Variants in TMEM132B observed in about 807,000 individuals in gnomAD.
TMEM132B encodes the protein transmembrane protein 132B.
TMEM132B carries 18 observed loss-of-function variants against 90.8 expected under a neutral mutation model. The observed-to-expected ratio is 0.20, with a 90% CI of 0.14 to 0.29. The LOEUF (loss-of-function observed/expected upper bound fraction) is 0.29, where lower values mean the gene tolerates loss of function less well. TMEM132B is among the 10% of genes least tolerant of loss of function. The probability of loss-of-function intolerance (pLI) is 1.00; values close to 1 mark genes in which losing one functional copy is unlikely to be tolerated. For missense variants in TMEM132B, 1,096 were observed against 1,326.8 expected (o/e 0.83, Z 2.70); for synonymous variants, 504 against 523.3 (o/e 0.96, Z 0.50).
At chr12:125,249,010 C>T (rs1337912607) in intron 1 of TMEM132B, among the ~76,000 whole-genome samples, 1 of 152,088 alleles carries the variant, frequency 6.6e-6, no homozygotes, top group Non-Finnish European at 1.5e-5. Context: ...GCCACTGAGC[C>T]CCTTATGAGC....
intron 5 of TMEM132B, among the ~76,000 whole-genome samples, chr12:125,638,376 T>C (rs755022958): frequency 5.3e-5 from 8 of 152,222 alleles, no homozygotes; most frequent in Admixed American, 1.3e-4. Context: ...CCTTTTGGCA[T>C]TTATTATTAG....
chr12:125,516,770 A>C (rs1317084212), intron 3 of TMEM132B, among the ~76,000 whole-genome samples: 1 of 152,216 alleles, frequency 6.6e-6, no homozygotes, highest in Non-Finnish European at 1.5e-5. Flanking sequence ...TCTGAGGTCT[A>C]CGGAATGCTG....
chr12:125,644,541 A>G (rs1386759850), intron 6 of TMEM132B, among the ~76,000 whole-genome samples: 2 of 152,216 alleles, frequency 1.3e-5, no homozygotes, highest in African/African-American at 4.8e-5. Context: ...AACGAATGCA[A>G]TACATAACAA....
chr12:125,565,115 C>A (rs978800421), intron 4 of TMEM132B, among the ~76,000 whole-genome samples: 1 of 152,316 alleles, frequency 6.6e-6, no homozygotes, highest in Middle Eastern at 3.4e-3. Flanking sequence ...GTTGTGATCA[C>A]CCTCTACAGA....
chr12:125,410,037 TG>T (rs1367499609), intron 2 of TMEM132B, among the ~76,000 whole-genome samples: 1 of 5,252 alleles, frequency 1.9e-4, no homozygotes, highest in Non-Finnish European at 3.7e-4. Context: ...AGGAGTGGAG[TG>T]GAGTGGAGTG....
intron 5 of TMEM132B, among the ~76,000 whole-genome samples, chr12:125,623,169 T>A (rs7304888): frequency 0.045 from 6,920 of 152,272 alleles, 179 homozygotes; most frequent in African/African-American, 0.066. Flanking sequence ...AGGCACCATT[T>A]GATGAATTGT....
chr12:125,508,002 T>A (rs941203), intron 3 of TMEM132B, among the ~76,000 whole-genome samples: 150,147 of 152,260 alleles, frequency 0.99, 74,061 homozygotes, highest in East Asian at 1. Context: ...TATTTAAAAA[T>A]TACATATTTT....
At chr12:125,462,183 G>C (rs1216267492) in intron 3 of TMEM132B, among the ~76,000 whole-genome samples, 2 of 152,166 alleles carry the variant, frequency 1.3e-5, no homozygotes, top group Non-Finnish European at 2.9e-5. Flanking sequence ...ATAGATCGCA[G>C]GTTGACTAAA....
In TMEM132B at chr12:125,617,741, A is replaced by G. The variant is rs538623808; in HGVS notation, c.1438-26335A>G. On this transcript the variant is annotated intron_variant, in intron 5 of 8. Transcript: ENST00000682704. ...CCACTACTTTCCAGCTTATCCCTCT[A>G]TTGTTTCTAATAATGCCCCGGGGCA... Among the ~76,000 whole-genome samples, 68 of 151,894 alleles carry G rather than the reference A, an allele frequency of 4.5e-4. No homozygotes were observed. The South Asian group carries it at 7.1e-3, about 16-fold the overall frequency.
At chr12:125,265,815 G>A (rs1429695027) in intron 1 of TMEM132B, among the ~76,000 whole-genome samples, 1 of 152,174 alleles carries the variant, frequency 6.6e-6, no homozygotes, top group Non-Finnish European at 1.5e-5. Flanking sequence ...ATTATTACAA[G>A]TAGTGACTTC....
chr12:125,208,812 A>G (rs1419101591), intron 1 of TMEM132B, among the ~76,000 whole-genome samples: 2 of 152,114 alleles, frequency 1.3e-5, no homozygotes, highest in African/African-American at 4.8e-5. Context: ...CCTGGGTTCC[A>G]TGAAGCCCAT....
intron 1 of TMEM132B, among the ~76,000 whole-genome samples, chr12:125,236,129 A>G (rs1007197028): frequency 7.1e-6 from 1 of 140,234 alleles, no homozygotes; most frequent in African/African-American, 2.8e-5. Flanking sequence ...TAATAGTTGA[A>G]TTTTTTGTTT....
rs1403544604 is a variant in TMEM132B at position 125,501,296 on chromosome 12, A to G, written c.1107-18143A>G. ...TGCAATACTGTTCTCTGTTCCATAC[A>G]ATATTTGGGAAATACTTATATTAAA... is the stretch of plus-strand genomic sequence containing the variant. On this transcript the variant is annotated intron_variant, in intron 3 of 8. Coordinates refer to ENST00000682704, the MANE Select transcript of TMEM132B (RefSeq NM_001366854.1). 2.6e-5 allele frequency among the ~76,000 whole-genome samples: 4 copies of G among 152,356 alleles called. No homozygotes were observed. The East Asian group carries it at 7.7e-4, about 29-fold the overall frequency.
chr12:125,244,157 G>A (rs1204177586), intron 1 of TMEM132B, among the ~76,000 whole-genome samples: 2 of 152,122 alleles, frequency 1.3e-5, no homozygotes, highest in Admixed American at 1.3e-4. Context: ...TGTATTCGTC[G>A]GTTGATAGAC....
intron 1 of TMEM132B, among the ~76,000 whole-genome samples, chr12:125,247,836 T>C (rs931664989): frequency 2.6e-5 from 4 of 152,262 alleles, no homozygotes; most frequent in Non-Finnish European, 5.9e-5. Flanking sequence ...CACCTCCAGA[T>C]GGCACGAAGT....
chr12:125,272,900 G>A (rs1057454501), intron 1 of TMEM132B, among the ~76,000 whole-genome samples: 2 of 152,112 alleles, frequency 1.3e-5, no homozygotes, highest in Non-Finnish European at 2.9e-5. Context: ...GTCATTCTTC[G>A]CTCAAACAGT....
At chr12:125,511,060 A>T (rs1371872896) in intron 3 of TMEM132B, among the ~76,000 whole-genome samples, 1 of 152,154 alleles carries the variant, frequency 6.6e-6, no homozygotes, top group Non-Finnish European at 1.5e-5. Flanking sequence ...GTCACTTCCC[A>T]TTCCCCCACT....
chr12:125,447,092 T>TA (rs1881024689), intron 3 of TMEM132B, among the ~76,000 whole-genome samples: 1 of 152,236 alleles, frequency 6.6e-6, no homozygotes, highest in African/African-American at 2.4e-5. Flanking sequence ...AATTCCAACC[T>TA]ATGTTTCAGA....
rs1260650096 is a variant in TMEM132B, at chr12:125,445,797, T to C, written c.1106+30120T>C. On this transcript the variant is annotated intron_variant, in intron 3 of 8. Transcript: ENST00000682704. The surrounding 1 kb of genome is among the most constrained non-coding windows in gnomAD (Gnocchi z 4.3). ...ACCGCGGAGAGTTGGCTCCTTTGAC[T>C]TGGAGACAGACATCTCACACCTCAG... is the stretch of plus-strand genomic sequence containing the variant. 2.0e-5 allele frequency among the ~76,000 whole-genome samples: 3 copies of C among 152,178 alleles called. No homozygotes were observed. The highest frequency in any genetic ancestry group is 4.4e-5 in the Non-Finnish European group (3 of 68,022).
Sources: gnomAD v4.1 joint callset for allele counts (sites outside exome capture counted in the v4.1 genomes callset) on GRCh38, gnomAD v4.1.1 for gene constraint, Gnocchi (gnomAD v3.1) non-coding constraint, MANE v1.5 for transcripts, NCBI Gene and HGNC (gene_info 2026-07-23, HGNC 2026-07-21) for gene names.